The following CNTN5 variants were observed in gnomAD, a reference collection of about 807,000 sequenced individuals.
The protein encoded by CNTN5 is contactin 5, also known as contactin-5.
A neutral mutation model predicts 129.1 loss-of-function variants in CNTN5; 77 were observed. That is an observed-to-expected ratio of 0.60 (90% CI 0.50 to 0.72). The LOEUF is 0.72. Ranked by LOEUF, CNTN5 falls within the 30% of genes least tolerant of loss-of-function variation. The pLI, the probability that CNTN5 is intolerant of heterozygous loss-of-function variation, is 0.00. For missense variants in CNTN5, 1,478 were observed against 1,328.8 expected, an observed-to-expected ratio of 1.11 and a Z score of -1.75; for synonymous variants, 509 against 465.6, an observed-to-expected ratio of 1.09 and a Z score of -1.20.
chr11:99,826,431 C>A (rs1157932206), intron 4 of CNTN5, among the ~76,000 whole-genome samples: 1 of 152,124 alleles, frequency 6.6e-6, no homozygotes, highest in Non-Finnish European at 1.5e-5. Flanking sequence ...CTCACAGAAA[C>A]AGACACACAT....
chr11:99,274,363 T>G (rs968095439), intron 1 of CNTN5, among the ~76,000 whole-genome samples: 1 of 151,728 alleles, frequency 6.6e-6, no homozygotes, highest in Non-Finnish European at 1.5e-5. Context: ...TAATTACTCT[T>G]TTTGTTTTTA....
intron 3 of CNTN5, among the ~76,000 whole-genome samples, chr11:99,813,691 T>C (rs1299939843): frequency 6.6e-6 from 1 of 151,836 alleles, no homozygotes; most frequent in African/African-American, 2.4e-5. Flanking sequence ...GACAAAGAAC[T>C]AGAAAAGGAG....
intron 3 of CNTN5, among the ~76,000 whole-genome samples, chr11:99,804,128 T>C (rs1009722503): frequency 3.3e-5 from 5 of 152,224 alleles, no homozygotes; most frequent in Admixed American, 2.6e-4. Context: ...GGCTGGTGGT[T>C]TTCAGTCAAT....
At chr11:100,276,921 T>A (rs897765025) in intron 18 of CNTN5, among the ~76,000 whole-genome samples, 9 of 142,938 alleles carry the variant, frequency 6.3e-5, no homozygotes, top group African/African-American at 2.2e-4. Context: ...TTCTTTCTAA[T>A]TTTTTTTTAT....
intron 13 of CNTN5, among the ~76,000 whole-genome samples, chr11:100,103,846 TC>T (rs1428435720): frequency 1.1e-4 from 16 of 152,116 alleles, no homozygotes; most frequent in Non-Finnish European, 2.2e-4. Context: ...ATCAGCAACT[TC>T]CATAGGCTAA....
chr11:99,679,057 C>T (rs910623541), intron 3 of CNTN5, among the ~76,000 whole-genome samples: 2 of 145,644 alleles, frequency 1.4e-5, no homozygotes, highest in African/African-American at 5.0e-5. Context: ...TTTATATATA[C>T]TTATATATGT....
intron 3 of CNTN5, among the ~76,000 whole-genome samples, chr11:99,718,125 C>T (rs138145976): frequency 6.6e-6 from 1 of 152,082 alleles, no homozygotes; most frequent in Non-Finnish European, 1.5e-5. Flanking sequence ...TAATTGGAAC[C>T]TTACACATCT....
intron 1 of CNTN5, among the ~76,000 whole-genome samples, chr11:99,286,185 A>G (rs1700642072): frequency 2.0e-5 from 3 of 152,048 alleles, no homozygotes; most frequent in Admixed American, 2.0e-4. Context: ...TTCTGTTGTT[A>G]TACAAAAAGA....
chr11:99,708,011 T>C (rs1391249559), intron 3 of CNTN5, among the ~76,000 whole-genome samples: 2 of 149,920 alleles, frequency 1.3e-5, no homozygotes, highest in Non-Finnish European at 3.0e-5. Flanking sequence ...ATTATTAATA[T>C]ACTTACTTGA....
At chr11:99,446,791 T>C (rs1944090492) in intron 2 of CNTN5, among the ~76,000 whole-genome samples, 2 of 152,196 alleles carry the variant, frequency 1.3e-5, no homozygotes, top group Admixed American at 1.3e-4. Context: ...TCCTTAAATA[T>C]AGTCAATACA....
chr11:99,699,777 T>A (rs889379546), intron 3 of CNTN5, among the ~76,000 whole-genome samples: 1 of 151,450 alleles, frequency 6.6e-6, no homozygotes, highest in Non-Finnish European at 1.5e-5. Context: ...AGCTCATTAT[T>A]GTCTTCCTTT....
At chr11:100,035,223 GGGTT>G (rs1402958967) in intron 9 of CNTN5, among the ~76,000 whole-genome samples, 4 of 151,198 alleles carry the variant, frequency 2.6e-5, no homozygotes, top group Admixed American at 2.6e-4. Context: ...ATGTGTGTTT[GGGTT>G]TTTGTCCTTG....
chr11:99,736,030 T>C (rs1475170629), intron 3 of CNTN5, among the ~76,000 whole-genome samples: 1 of 151,716 alleles, frequency 6.6e-6, no homozygotes, highest in Non-Finnish European at 1.5e-5. Flanking sequence ...TTTTCTCTCT[T>C]TCTTTTTCTT....
intron 1 of CNTN5, among the ~76,000 whole-genome samples, chr11:99,056,936 AT>A (rs953905819): frequency 1.3e-5 from 2 of 151,880 alleles, no homozygotes; most frequent in African/African-American, 4.8e-5. Flanking sequence ...TTGGACTGAT[AT>A]TTTTTTCCCT....
intron 1 of CNTN5, among the ~76,000 whole-genome samples, chr11:99,213,700 C>T (rs1859961130): frequency 6.6e-6 from 1 of 151,920 alleles, no homozygotes; most frequent in Admixed American, 6.6e-5. Context: ...GGTGACTTCC[C>T]TTGCCTTGGT....
At chr11:99,611,035 G>A (rs528231947) in intron 3 of CNTN5, among the ~76,000 whole-genome samples, 12 of 152,126 alleles carry the variant, frequency 7.9e-5, no homozygotes, top group Non-Finnish European at 1.3e-4. Flanking sequence ...CAAGGTGCTG[G>A]TGAATGATCA....
At chr11:99,534,806 A>G (rs1197077565) in intron 2 of CNTN5, among the ~76,000 whole-genome samples, 1 of 152,158 alleles carries the variant, frequency 6.6e-6, no homozygotes, top group Non-Finnish European at 1.5e-5. Context: ...GTAATATTTC[A>G]TATATTGGGA....
intron 3 of CNTN5, among the ~76,000 whole-genome samples, chr11:99,777,191 T>A (rs2135368701): frequency 2.0e-5 from 3 of 151,952 alleles, no homozygotes; most frequent in Non-Finnish European, 4.4e-5. Flanking sequence ...AATTTACTAT[T>A]CAAAAAAAGT....
At chr11:100,083,409 A>G (rs80185714) in intron 13 of CNTN5, among the ~76,000 whole-genome samples, 234 of 127,224 alleles carry the variant, frequency 1.8e-3, no homozygotes, top group African/African-American at 6.8e-3. Context: ...ACTTATCATC[A>G]GGGGATGATG....
Sources: gnomAD v4.1 joint callset for allele counts (sites outside exome capture counted in the v4.1 genomes callset) on GRCh38, gnomAD v4.1.1 for gene constraint, MANE v1.5 for transcripts, NCBI Gene and HGNC (gene_info 2026-07-23, HGNC 2026-07-21) for gene names.